The following CUTA variants were observed in gnomAD, a reference collection of about 807,000 sequenced individuals.
The protein encoded by CUTA is cutA divalent cation tolerance homolog, also known as protein CutA.
A neutral mutation model predicts 20.7 loss-of-function variants in CUTA; 21 were observed. The ratio of observed to expected loss-of-function variants is 1.01; its 90% CI spans 0.72 to 1.46. CUTA has a LOEUF of 1.46. CUTA is among the 40% of genes most tolerant of loss of function. CUTA has a pLI of 0.00. For missense variants in CUTA, 231 were observed against 226.8 expected (o/e 1.02, Z -0.12); for synonymous variants, 99 against 97.9 (o/e 1.01, Z -0.07).
chr6:33,417,030 A>C, intron 4 of CUTA, 61 bp from the exon 5 acceptor site: 2 of 1,613,106 alleles, frequency 1.2e-6, no homozygotes, highest in Non-Finnish European at 1.7e-6. Context: ...GTTTCTCAGA[A>C]GAGGGGTAAG....
Position 33,417,745 on chromosome 6 carries a change from T to C in CUTA, c.43-50A>G, listed in dbSNP as rs1363463826. ...CTCTCCTCACAAACAGCCCAGGAAA[T>C]TACACCCGGGGAAGCCTTCGCTTAG... On this transcript the variant is annotated intron_variant, in intron 1 of 5. Transcript: ENST00000488034. 5 of 1,568,756 alleles carry C rather than the reference T, an allele frequency of 3.2e-6. 1 individual carries two copies. The East Asian group carries it at 1.1e-4, about 36-fold the overall frequency.
At position 33,417,325 on chromosome 6, in the gene CUTA, C is replaced by T. The variant is rs1021925506; in HGVS notation, c.258-15G>A. The T allele has an allele frequency of 1.9e-6, 3 of 1,614,086 alleles. No homozygotes were observed. Among genetic ancestry groups the T allele is most frequent in the African/African-American group, 1.3e-5 (1 of 74,928 alleles). On this transcript the variant is annotated splice_polypyrimidine_tract_variant and intron_variant, in intron 2 of 5. Transcript: ENST00000488034. ...CCACCACGGCCCTGGAGTGAAGAGACAGTCCCATTCAGAGTACCCCATAAC... is the reference window on the plus strand; with the variant it reads ...CCACCACGGCCCTGGAGTGAAGAGATAGTCCCATTCAGAGTACCCCATAAC...
At chr6:33,417,364 C>T (rs1776572698) in intron 2 of CUTA, 54 bp from the exon 3 acceptor site, 1 of 1,613,622 alleles carries the variant, frequency 6.2e-7, no homozygotes, top group Non-Finnish European at 8.5e-7. Context: ...AGTTTTTGTA[C>T]TGGCAGCCCA....
Position 33,416,976 on chromosome 6 carries a change from G to A in CUTA, c.364-7C>T. On this transcript the variant is annotated splice_polypyrimidine_tract_variant and splice_region_variant and intron_variant, in intron 4 of 5. Transcript: ENST00000488034. ...AACTTTGGGTTTTAATCATCTAAGG[G>A]ACAAAGATAAACATGGTTGAATCAA... 1.9e-6 allele frequency: 3 copies of A among 1,613,942 alleles called. No homozygotes were observed. The highest frequency in any genetic ancestry group is 2.2e-5 in the East Asian group (1 of 44,872).
chr6:33,417,900 T>A, intron 1 of CUTA, 59 bp downstream of exon 1: 1 of 1,582,058 alleles, frequency 6.3e-7, no homozygotes, highest in Non-Finnish European at 8.6e-7. Flanking sequence ...GGATTTAGGG[T>A]GCGGGTAGCG....
In CUTA at chr6:33,417,137, T is replaced by A; in HGVS notation, c.323A>T (p.Glu108Val). 1 of 1,611,502 alleles carries A rather than the reference T, an allele frequency of 6.2e-7. No individual in the cohort carries two copies. The highest frequency in any genetic ancestry group is 8.5e-7 in the Non-Finnish European group (1 of 1,178,154). The change falls in exon 4 of 6, where the codon GAG becomes GTG. Residue 108 changes from glutamate to valine, a missense_variant. Physicochemically the swap from Glu to Val is moderately radical, Grantham distance 121. Transcript: ENST00000488034. Reference protein sequence around the residue: ...NLIPQITSIYEWKGKIEEDSE... With the variant: ...NLIPQITSIYVWKGKIEEDSE... Reference sequence around the variant, plus strand: ...GTCTTCCTCGATCTTCCCTTTCCACTCATAGCTGAAAGGTCAGAGGGGGAG... The same window carrying A: ...GTCTTCCTCGATCTTCCCTTTCCACACATAGCTGAAAGGTCAGAGGGGGAG...
In CUTA at chr6:33,417,628, AG is replaced by A; in HGVS notation, c.109del (p.Leu37TyrfsTer6). The A allele has an allele frequency of 6.2e-7, 1 of 1,613,770 alleles. No homozygotes were observed. The highest frequency in any genetic ancestry group is 1.1e-5 in the South Asian group (1 of 91,072). The stretch of plus-strand genomic sequence containing the variant: ...GGCCATGGTCAGCAAGACTCGGGGT[AG>A]CAACAAAAGGCGGGAGGCCACAGGC... ...LLPVASRLLL[L>X]PRVLLTMASG... On this transcript the variant is annotated frameshift_variant, in exon 2 of 6. Transcript: ENST00000488034. LOFTEE classifies it high-confidence loss of function.
rs1776488150 is a variant in CUTA, at chr6:33,416,514, T to C, written c.*136A>G. 6 of 684,426 alleles carry C rather than the reference T, an allele frequency of 8.8e-6. No individual in the cohort carries two copies. The highest frequency in any genetic ancestry group is 3.4e-5 in the South Asian group (2 of 58,762). The allele number at this position is 684,426 out of a possible 1,614,324, so 42.4% of individuals were successfully genotyped here. A position where few individuals can be genotyped will look rare whatever the true frequency, so the allele number is the denominator to read the frequency against. On this transcript the variant is annotated 3_prime_UTR_variant, in exon 6 of 6. Transcript: ENST00000488034. ...AAGCACTTATATTCTCCCAACAAATTTGCATACATGACAAAAAACAGGCAA... is the reference window on the plus strand; with the variant it reads ...AAGCACTTATATTCTCCCAACAAATCTGCATACATGACAAAAAACAGGCAA...
intron 1 of CUTA, 26 bp from the exon 2 acceptor site, chr6:33,417,721 TCTC>T (rs770996492): frequency 2.5e-6 from 4 of 1,587,632 alleles, no homozygotes; most frequent in Non-Finnish European, 3.4e-6. Context: ...GAATTCGATC[TCTC>T]CTCACAAACA....
In CUTA at chr6:33,416,689, G is replaced by T. The variant is rs1458667828; in HGVS notation, c.501C>A (p.Val167=). ...NFPYLQWVRQ[V]TESVSDSITV... The stretch of plus-strand genomic sequence containing the variant: ...TGATAGAGTCAGAAACTGACTCTGT[G>T]ACCTGGCGCACCCACTGCAGGTACG... Residue 167 remains valine, a synonymous_variant, in exon 6 of 6, where the codon GTC becomes GTA. Transcript: ENST00000488034. 6.8e-6 allele frequency: 11 copies of T among 1,613,104 alleles called. No individual in the cohort carries two copies. The highest frequency in any genetic ancestry group is 1.7e-5 in the Admixed American group (1 of 60,004).
intron 1 of CUTA, 27 bp from the exon 2 acceptor site, chr6:33,417,722 C>T: frequency 6.3e-7 from 1 of 1,588,300 alleles, no homozygotes; most frequent in Non-Finnish European, 8.5e-7. Flanking sequence ...AATTCGATCT[C>T]TCCTCACAAA....
Position 33,418,002 on chromosome 6 carries a change from C to G in CUTA, c.-2G>C. 6.2e-7 allele frequency: 1 copy of G among 1,613,268 alleles called. No homozygotes were observed. ...CGCGGGAGCCCGCCCCCCACTCATG[C>G]GGCCTACGCTGGTACAGGAGAGTTG... On this transcript the variant is annotated 5_prime_UTR_variant, in exon 1 of 6. Coordinates refer to ENST00000488034, the MANE Select transcript of CUTA (RefSeq NM_001014840.2). The surrounding 1 kb of genome is among the most constrained non-coding windows in gnomAD (Gnocchi z 5.7).
intron 2 of CUTA, 82 bp downstream of exon 2, chr6:33,417,399 A>G: frequency 1.4e-5 from 22 of 1,612,614 alleles, no homozygotes; most frequent in Non-Finnish European, 1.9e-5. Context: ...GAGCTGGAGA[A>G]AGGAGAAAGC....
In CUTA at chr6:33,417,560, C is replaced by T. The variant is rs1776590250; in HGVS notation, c.178G>A (p.Gly60Ser). The change falls in exon 2 of 6, where the codon GGC (glycine) becomes AGC (serine). Residue 60 changes from glycine (G) to serine (S), a missense_variant. By Grantham distance (56) the Gly-to-Ser change is moderately conservative. Coordinates refer to ENST00000488034, the MANE Select transcript of CUTA (RefSeq NM_001014840.2). ...PTQPSPASDS[G>S]SGYVPGSVSA... ...ACCGAGCCCGGAACGTAGCCAGAGC[C>T]GGAATCCGAGGCCGGCGAGGGCTGG... 5 of 1,614,146 alleles carry T rather than the reference C, an allele frequency of 3.1e-6. No individual in the cohort carries two copies. The highest frequency in any genetic ancestry group is 2.5e-6 in the Non-Finnish European group (3 of 1,180,040).
At position 33,418,059 on chromosome 6, in the gene CUTA, A is replaced by G; in HGVS notation, c.-59T>C. ...AAGGCCACACGTCACACGGAGAAAC[A>G]ACCCCAGGAAGAGCGGCCTCTTCTT... is the stretch of plus-strand genomic sequence containing the variant. On this transcript the variant is annotated 5_prime_UTR_variant, in exon 1 of 6. Transcript: ENST00000488034. The surrounding 1 kb of genome is among the most constrained non-coding windows in gnomAD (Gnocchi z 5.7). 6.2e-7 allele frequency: 1 copy of G among 1,614,206 alleles called. No individual in the cohort carries two copies.
At position 33,417,972 on chromosome 6, in the gene CUTA, AG is replaced by A; in HGVS notation, c.28del (p.Leu10CysfsTer33). 6.2e-7 allele frequency: 1 copy of A among 1,606,272 alleles called. No individual in the cohort carries two copies. Among genetic ancestry groups the A allele is most frequent in the Non-Finnish European group, 8.5e-7 (1 of 1,176,580 alleles). MSGGRAPAV[L>X]LGGVASLLLS... ...CCGGTCACTCACCACTCCGCCGAGC[AG>A]GACCGCGGGAGCCCGCCCCCCACTC... On this transcript the variant is annotated frameshift_variant, in exon 1 of 6. Coordinates refer to ENST00000488034, the MANE Select transcript of CUTA (RefSeq NM_001014840.2). LOFTEE classifies it high-confidence loss of function.
rs748597388 is a variant in CUTA, at chr6:33,416,757, C to G, written c.433G>C (p.Val145Leu). 1.2e-6 allele frequency: 2 copies of G among 1,614,142 alleles called. No homozygotes were observed. The highest frequency in any genetic ancestry group is 1.7e-6 in the Non-Finnish European group (2 of 1,180,012). Residue 145 changes from valine to leucine, a missense_variant, in exon 6 of 6, where the codon GTG (valine) becomes CTG (leucine). Val to Leu is a conservative substitution (Grantham distance 32). Transcript: ENST00000488034. ...ACAGGCAATGCAATTACCTCGGCCA[C>G]TTCGTAAGGGTGCACAGAACTACAA... ...DFVRSVHPYEVAEVIALPVEQ... is the reference protein window; with the variant it reads ...DFVRSVHPYELAEVIALPVEQ...
rs1213507486 is a variant in CUTA at position 33,417,673 on chromosome 6, A to G, written c.65T>C (p.Val22Ala). ...CACAGGCAGCAGCGCCGGCATCCAA[A>G]CAAAAGACAGGAGCAGAGAGGCCTG... ...GGVASLLLSF[V>A]WMPALLPVAS... Residue 22 changes from valine (V) to alanine (A), a missense_variant, in exon 2 of 6, where the codon GTT becomes GCT. Coordinates refer to ENST00000488034, the MANE Select transcript of CUTA (RefSeq NM_001014840.2). 6.2e-7 allele frequency: 1 copy of G among 1,610,816 alleles called. No individual in the cohort carries two copies. The highest frequency in any genetic ancestry group is 8.5e-7 in the Non-Finnish European group (1 of 1,178,564).
At chr6:33,417,909 C>A (rs370857582) in intron 1 of CUTA, 50 bp downstream of exon 1, 153 of 1,587,986 alleles carry the variant, frequency 9.6e-5, no homozygotes, top group Non-Finnish European at 1.2e-4. Context: ...GTGCGGGTAG[C>A]GGTCGAGGCT....
Sources: gnomAD v4.1 joint callset for allele counts on GRCh38, gnomAD v4.1.1 for gene constraint, Gnocchi (gnomAD v3.1) non-coding constraint, MANE v1.5 for transcripts, NCBI Gene and HGNC (gene_info 2026-07-23, HGNC 2026-07-21) for gene names.